Variants in PTPRN2 observed in about 807,000 individuals in gnomAD.
The protein encoded by PTPRN2 is protein tyrosine phosphatase receptor type N2.
A neutral mutation model predicts 118.8 loss-of-function variants in PTPRN2; 74 were observed. The observed-to-expected ratio is 0.62, with a 90% CI of 0.52 to 0.76. The LOEUF is 0.76. Ranked by LOEUF, PTPRN2 falls within the 30% of genes least tolerant of loss-of-function variation. The probability of loss-of-function intolerance (pLI) is 0.00; values close to 1 mark genes in which losing one functional copy is unlikely to be tolerated. For synonymous variants in PTPRN2, 641 were observed against 608.0 expected, an observed-to-expected ratio of 1.05 and a Z score of -0.80; for missense variants, 1,481 against 1,394.4, an observed-to-expected ratio of 1.06 and a Z score of -0.99.
intron 17 of PTPRN2, among the ~76,000 whole-genome samples, chr7:157,584,196 C>A (rs1453247192): frequency 6.6e-6 from 1 of 152,146 alleles, no homozygotes; most frequent in Non-Finnish European, 1.5e-5. Flanking sequence ...ACAAAACATC[C>A]CTGGGCCCCT....
intron 12 of PTPRN2, among the ~76,000 whole-genome samples, chr7:157,702,902 C>T (rs1798148932): frequency 6.6e-6 from 1 of 152,178 alleles, no homozygotes; most frequent in Non-Finnish European, 1.5e-5. Flanking sequence ...AGGGGACCTT[C>T]ATACCTGAGG....
intron 2 of PTPRN2, among the ~76,000 whole-genome samples, chr7:158,460,923 G>A (rs1461423097): frequency 3.9e-5 from 6 of 152,204 alleles, no homozygotes; most frequent in East Asian, 3.8e-4. Flanking sequence ...ACGTGTGCAC[G>A]CTGGCAGCTA....
At chr7:158,283,309 C>A (rs574197789) in intron 3 of PTPRN2, among the ~76,000 whole-genome samples, 18 of 152,316 alleles carry the variant, frequency 1.2e-4, no homozygotes, top group Admixed American at 1.2e-3. Flanking sequence ...TCCCCAGACC[C>A]CCAAGAGGAG....
intron 14 of PTPRN2, among the ~76,000 whole-genome samples, chr7:157,643,510 G>A (rs1025831899): frequency 2.0e-5 from 3 of 152,234 alleles, no homozygotes; most frequent in Non-Finnish European, 4.4e-5. Flanking sequence ...GGAGGTGTGG[G>A]GGCTGCAGGG....
chr7:157,837,883 G>A (rs1808082749), intron 12 of PTPRN2, among the ~76,000 whole-genome samples: 1 of 152,284 alleles, frequency 6.6e-6, no homozygotes, highest in Admixed American at 6.5e-5. Flanking sequence ...AAGTGACTCA[G>A]TGGAGTCCGA....
chr7:158,494,318 C>A (rs1179321310), intron 1 of PTPRN2, among the ~76,000 whole-genome samples: 1 of 152,272 alleles, frequency 6.6e-6, no homozygotes, highest in Non-Finnish European at 1.5e-5. Flanking sequence ...TCTACCACCA[C>A]CGTGGAAGGC....
intron 14 of PTPRN2, among the ~76,000 whole-genome samples, chr7:157,634,478 G>A (rs1001002851): frequency 1.3e-5 from 2 of 152,114 alleles, no homozygotes; most frequent in African/African-American, 2.4e-5. Context: ...AAAGACAACC[G>A]AATCACTAAC....
At position 157,629,379 on chromosome 7, in the gene PTPRN2, T is replaced by C. The variant is rs939713379; in HGVS notation, c.2197-7870A>G. Among the ~76,000 whole-genome samples the C allele has an allele frequency of 6.6e-6, 1 of 152,134 alleles. No individual in the cohort carries two copies. Among genetic ancestry groups the C allele is most frequent in the Non-Finnish European group, 1.5e-5 (1 of 68,020 alleles). On this transcript the variant is annotated intron_variant, in intron 14 of 22. Transcript: ENST00000389418. This position sits in a 1 kb window ranked among gnomAD's most constrained non-coding sequence, Gnocchi z 4.4. ...CTGTAACAATGAAGAAGTGAGATAC[T>C]GAGAGGTGCAAGATGATTTATTATT...
chr7:158,406,642 G>A (rs974573809), intron 2 of PTPRN2, among the ~76,000 whole-genome samples: 15 of 152,180 alleles, frequency 9.9e-5, no homozygotes, highest in South Asian at 4.1e-4. Context: ...GCAGCCACTC[G>A]CTGGCATGTG....
At chr7:158,583,165 G>A (rs1293717405) in intron 1 of PTPRN2, among the ~76,000 whole-genome samples, 2 of 152,230 alleles carry the variant, frequency 1.3e-5, no homozygotes, top group African/African-American at 4.8e-5. Flanking sequence ...AGGTAATCCC[G>A]CATGAACACT....
chr7:158,546,752 C>T lies in PTPRN2; in HGVS notation c.112+40806G>A, dbSNP rs572661608. ...CAGCCTGGGAGGCCCGGTCACCCCA[C>T]GGCCAGCGCCTGCCAAGTTCTTGTG... is the stretch of plus-strand genomic sequence containing the variant. On this transcript the variant is annotated intron_variant, in intron 1 of 22. Coordinates refer to ENST00000389418, the MANE Select transcript of PTPRN2 (RefSeq NM_002847.5). This position sits in a 1 kb window ranked among gnomAD's most constrained non-coding sequence, Gnocchi z 5.0. 2.0e-5 allele frequency among the ~76,000 whole-genome samples: 3 copies of T among 152,366 alleles called. No individual in the cohort carries two copies. Among genetic ancestry groups the T allele is most frequent in the African/African-American group, 4.8e-5 (2 of 41,590 alleles).
chr7:158,429,416 C>T (rs1815994510), intron 2 of PTPRN2, among the ~76,000 whole-genome samples: 1 of 152,242 alleles, frequency 6.6e-6, no homozygotes, highest in East Asian at 1.9e-4. Flanking sequence ...ACCTTCCCGC[C>T]ATCAGGCACT....
intron 14 of PTPRN2, among the ~76,000 whole-genome samples, chr7:157,623,783 T>C (rs910074824): frequency 3.3e-5 from 5 of 152,176 alleles, no homozygotes; most frequent in African/African-American, 9.7e-5. Context: ...AAAACTGAGA[T>C]AGAGCTGACA....
chr7:158,087,099 C>G (rs952545024), intron 10 of PTPRN2, among the ~76,000 whole-genome samples: 2 of 152,214 alleles, frequency 1.3e-5, no homozygotes, highest in Non-Finnish European at 2.9e-5. Flanking sequence ...CGACAGGGTT[C>G]CCTCTGAACC....
At position 157,990,816 on chromosome 7, in the gene PTPRN2, G is replaced by A. The variant is rs1003063800; in HGVS notation, c.1723+90482C>T. ...GGAGGACTTGGCGCACAGTGGGTGAGTGAATGGACAGGCAGGAGTGACCAG... is the reference window on the plus strand; with the variant it reads ...GGAGGACTTGGCGCACAGTGGGTGAATGAATGGACAGGCAGGAGTGACCAG... On this transcript the variant is annotated intron_variant, in intron 11 of 22. Coordinates refer to ENST00000389418, the MANE Select transcript of PTPRN2 (RefSeq NM_002847.5). The surrounding 1 kb of genome is among the most constrained non-coding windows in gnomAD (Gnocchi z 4.3). Among the ~76,000 whole-genome samples the A allele has an allele frequency of 4.6e-5, 7 of 152,316 alleles. 1 individual carries two copies. Among genetic ancestry groups the A allele is most frequent in the Admixed American group, 3.3e-4 (5 of 15,312 alleles).
intron 3 of PTPRN2, among the ~76,000 whole-genome samples, chr7:158,242,632 G>A (rs577112799): frequency 6.6e-6 from 1 of 152,288 alleles, no homozygotes; most frequent in South Asian, 2.1e-4. Context: ...GAAGTGTCTG[G>A]TAGGATTCAG....
At chr7:157,564,141 A>G (rs573020846) in intron 21 of PTPRN2, among the ~76,000 whole-genome samples, 46 of 144,620 alleles carry the variant, frequency 3.2e-4, no homozygotes, top group African/African-American at 1.2e-3. Context: ...AAAAAAAAAT[A>G]TATTTTTGAG....
intron 2 of PTPRN2, among the ~76,000 whole-genome samples, chr7:158,415,331 A>G (rs2129418417): frequency 6.6e-6 from 1 of 152,282 alleles, no homozygotes; most frequent in East Asian, 1.9e-4. Flanking sequence ...TTCCTTCCTC[A>G]GGGGAGAGAG....
intron 14 of PTPRN2, among the ~76,000 whole-genome samples, chr7:157,635,484 T>C (rs927749969): frequency 1.3e-5 from 2 of 152,266 alleles, no homozygotes; most frequent in Non-Finnish European, 2.9e-5. Flanking sequence ...CAGTGTTTCA[T>C]GGAATGATTT....
Sources: gnomAD v4.1 joint callset for allele counts (sites outside exome capture counted in the v4.1 genomes callset) on GRCh38, gnomAD v4.1.1 for gene constraint, Gnocchi (gnomAD v3.1) non-coding constraint, MANE v1.5 for transcripts, NCBI Gene and HGNC (gene_info 2026-07-23, HGNC 2026-07-21) for gene names.